The following WWOX variants were observed in gnomAD, a reference collection of about 807,000 sequenced individuals.
WWOX encodes WW domain-containing oxidoreductase.
WWOX carries 69 observed loss-of-function variants against 46.2 expected under a neutral mutation model. That is an observed-to-expected ratio of 1.49 (90% CI 1.23 to 1.82). The LOEUF is 1.82. Among genes scored for constraint, WWOX ranks in the 40% most tolerant of loss-of-function variants. The pLI is 0.00. For missense variants in WWOX, 919 were observed against 542.6 expected, an observed-to-expected ratio of 1.69 and a Z score of -6.89; for synonymous variants, 359 against 202.6, an observed-to-expected ratio of 1.77 and a Z score of -6.56.
At chr16:79,123,323 TCAGGCC>T (rs1449366138) in intron 8 of WWOX, among the ~76,000 whole-genome samples, 1 of 152,138 alleles carries the variant, frequency 6.6e-6, no homozygotes, top group East Asian at 1.9e-4. Flanking sequence ...GTAGGCGTGA[TCAGGCC>T]CATAAAATAC....
intron 8 of WWOX, among the ~76,000 whole-genome samples, chr16:78,813,962 C>A (rs946202118): frequency 1.3e-5 from 2 of 152,182 alleles, no homozygotes; most frequent in Non-Finnish European, 2.9e-5. Context: ...TCCCCACCCC[C>A]AATTCTATAG....
At chr16:78,200,959 C>T (rs2036211905) in intron 5 of WWOX, among the ~76,000 whole-genome samples, 1 of 152,166 alleles carries the variant, frequency 6.6e-6, no homozygotes, top group South Asian at 2.1e-4. Context: ...GAAAGGTAAA[C>T]ATTTACTTCT....
intron 8 of WWOX, among the ~76,000 whole-genome samples, chr16:78,778,508 G>C (rs918577375): frequency 3.4e-4 from 51 of 152,192 alleles, no homozygotes; most frequent in African/African-American, 1.2e-3. Context: ...TGACTGTGAG[G>C]ACGGGGCCAA....
chr16:79,125,092 G>C (rs985957391), intron 8 of WWOX, among the ~76,000 whole-genome samples: 34 of 149,040 alleles, frequency 2.3e-4, no homozygotes, highest in African/African-American at 8.4e-4. Context: ...ACTATATGCA[G>C]ATCCTGCTAG....
chr16:78,444,835 G>A (rs891368305), intron 8 of WWOX, among the ~76,000 whole-genome samples: 5 of 152,092 alleles, frequency 3.3e-5, no homozygotes, highest in South Asian at 4.1e-4. Context: ...CGGCCTATGA[G>A]GAGCAGTTCT....
At chr16:78,337,005 T>A (rs971506568) in intron 5 of WWOX, among the ~76,000 whole-genome samples, 2 of 152,102 alleles carry the variant, frequency 1.3e-5, no homozygotes, top group South Asian at 4.1e-4. Context: ...GGTCTCAAAC[T>A]CCTGACCTCA....
At chr16:78,599,587 C>T (rs978856597) in intron 8 of WWOX, among the ~76,000 whole-genome samples, 1 of 152,188 alleles carries the variant, frequency 6.6e-6, no homozygotes, top group Non-Finnish European at 1.5e-5. Flanking sequence ...CTTAATTGTT[C>T]CTGACACAGT....
rs370327902 is a variant in WWOX, at chr16:78,422,844, TACACACACACACAC to T, written c.606-1998_606-1985del. On this transcript the variant is annotated intron_variant, in intron 6 of 8. Transcript: ENST00000566780. The stretch of plus-strand genomic sequence containing the variant: ...ACACACACATATATATATATACATA[TACACACACACACAC>T]ACACACACACACACACACACACACA... Among the ~76,000 whole-genome samples the T allele has an allele frequency of 2.9e-3, 300 of 105,108 alleles. 3 individuals are homozygous for T. The highest frequency in any genetic ancestry group is 4.2e-3 in the Non-Finnish European group (244 of 57,638). 69.0% of individuals were successfully genotyped at this position (105,108 alleles called of 152,430 possible). A position where few individuals can be genotyped will look rare whatever the true frequency, so the allele number is the denominator to read the frequency against.
At chr16:78,735,291 G>A (rs763736378) in intron 8 of WWOX, among the ~76,000 whole-genome samples, 19 of 151,424 alleles carry the variant, frequency 1.3e-4, no homozygotes, top group Non-Finnish European at 2.5e-4. Context: ...TGCCTATAGC[G>A]GATCTTGAGA....
intron 8 of WWOX, among the ~76,000 whole-genome samples, chr16:78,784,729 G>C (rs557046790): frequency 6.6e-6 from 1 of 152,288 alleles, no homozygotes; most frequent in Admixed American, 6.5e-5. Flanking sequence ...TGATGAGTTG[G>C]GGAGCCTGGT....
intron 8 of WWOX, among the ~76,000 whole-genome samples, chr16:78,513,315 C>T (rs1299884159): frequency 6.6e-6 from 1 of 152,168 alleles, no homozygotes; most frequent in Non-Finnish European, 1.5e-5. Context: ...TGAATATTCT[C>T]AAGAGAGGGT....
intron 8 of WWOX, among the ~76,000 whole-genome samples, chr16:78,546,706 C>T (rs535776129): frequency 6.6e-6 from 1 of 152,292 alleles, no homozygotes; most frequent in African/African-American, 2.4e-5. Flanking sequence ...AGAAGTGCAT[C>T]AGGTTCTTCT....
chr16:78,623,166 C>T (rs952022054), intron 8 of WWOX, among the ~76,000 whole-genome samples: 2 of 151,452 alleles, frequency 1.3e-5, no homozygotes, highest in Non-Finnish European at 2.9e-5. Context: ...CCAGCTCAGC[C>T]ATGCCCAGAC....
At chr16:78,362,898 T>A (rs1304164139) in intron 5 of WWOX, among the ~76,000 whole-genome samples, 1 of 151,992 alleles carries the variant, frequency 6.6e-6, no homozygotes, top group Non-Finnish European at 1.5e-5. Flanking sequence ...GTAAAGGAGG[T>A]GGTGGTGTCA....
chr16:78,733,630 C>T (rs546590350), intron 8 of WWOX, among the ~76,000 whole-genome samples: 1 of 151,896 alleles, frequency 6.6e-6, no homozygotes, highest in Admixed American at 6.6e-5. Flanking sequence ...TGGTGTGTGC[C>T]TGTAGTTCCA....
chr16:78,914,575 C>G (rs190175349), intron 8 of WWOX, among the ~76,000 whole-genome samples: 1 of 151,864 alleles, frequency 6.6e-6, no homozygotes, highest in Non-Finnish European at 1.5e-5. Flanking sequence ...CTTTTAGGCA[C>G]TGTGAGTATA....
chr16:78,259,328 T>C (rs1245298970), intron 5 of WWOX, among the ~76,000 whole-genome samples: 1 of 152,242 alleles, frequency 6.6e-6, no homozygotes, highest in Non-Finnish European at 1.5e-5. Context: ...ATTTTATTTT[T>C]ATTTATATTT....
chr16:78,830,979 C>G (rs1439412501), intron 8 of WWOX, among the ~76,000 whole-genome samples: 3 of 152,150 alleles, frequency 2.0e-5, no homozygotes, highest in East Asian at 1.9e-4. Flanking sequence ...AAACCATGTT[C>G]TTTTAAAGGG....
intron 8 of WWOX, among the ~76,000 whole-genome samples, chr16:79,027,206 G>A (rs2047663007): frequency 6.7e-6 from 1 of 150,106 alleles, no homozygotes; most frequent in Admixed American, 6.6e-5. Context: ...GCTGAGCTGG[G>A]GAGGTTGAGG....
Sources: allele counts gnomAD v4.1 joint callset (sites outside exome capture counted in the v4.1 genomes callset), GRCh38; gene constraint gnomAD v4.1.1; transcripts MANE v1.5; gene names NCBI Gene and HGNC (gene_info 2026-07-23, HGNC 2026-07-21).